Variants in CUBN observed in about 807,000 individuals in gnomAD.
The protein encoded by CUBN is 460 kDa receptor.
A neutral mutation model predicts 405.3 loss-of-function variants in CUBN; 282 were observed. That is an observed-to-expected ratio of 0.70 (90% confidence interval 0.63 to 0.77). CUBN has a LOEUF of 0.77. CUBN is among the 30% of genes least tolerant of loss of function. The pLI, the probability that CUBN is intolerant of heterozygous loss-of-function variation, is 0.00. For missense variants in CUBN, 4,514 were observed against 4,475.2 expected (o/e 1.01, Z -0.25); for synonymous variants, 1,684 against 1,617.0 (o/e 1.04, Z -0.99).
chr10:16,941,172 T>C (rs1047530041), intron 36 of CUBN, among the ~76,000 whole-genome samples: 1 of 152,124 alleles, frequency 6.6e-6, no homozygotes, highest in Non-Finnish European at 1.5e-5. Context: ...AATGGATGAA[T>C]GGAATAGGAA....
rs1564503434 is a variant in CUBN, at chr10:17,071,560, A to C, written c.2491T>G (p.Phe831Val). Residue 831 changes from phenylalanine (F) to valine (V), a missense_variant, in exon 19 of 67, where the codon TTT becomes GTT. Around this residue, in one of 5 missense-constraint regions of CUBN, gnomAD observed 1,448 missense variants for 1,388.0 expected, o/e 1.04. Transcript: ENST00000377833. ...TCTCCAGGATACACGTTAGGAAAAA[A>C]AGGCGAGCGAATGACCCCTTCTCCA... ...LTGEGVIRSP[F>V]FPNVYPGERT... 6.2e-7 allele frequency: 1 copy of C among 1,613,970 alleles called. No homozygotes were observed. Among genetic ancestry groups the C allele is most frequent in the Non-Finnish European group, 8.5e-7 (1 of 1,179,926 alleles).
chr10:17,013,793 T>C (rs372571255), intron 28 of CUBN, among the ~76,000 whole-genome samples: 2 of 152,212 alleles, frequency 1.3e-5, no homozygotes, highest in African/African-American at 4.8e-5. Flanking sequence ...AGAGGCTTAC[T>C]TCAGTATGGT....
intron 28 of CUBN, among the ~76,000 whole-genome samples, chr10:17,018,832 G>GT (rs1834417452): frequency 6.6e-6 from 1 of 152,032 alleles, no homozygotes; most frequent in African/African-American, 2.4e-5. Flanking sequence ...TGATTGGTGG[G>GT]TTTTTACAGA....
chr10:17,007,410 T>A (rs1349856247), intron 28 of CUBN, among the ~76,000 whole-genome samples: 1 of 152,054 alleles, frequency 6.6e-6, no homozygotes, highest in Admixed American at 6.5e-5. Flanking sequence ...TAAAGCCTCG[T>A]TGTAGATCCG....
At chr10:17,053,714 C>T (rs1835323341) in intron 22 of CUBN, among the ~76,000 whole-genome samples, 1 of 152,062 alleles carries the variant, frequency 6.6e-6, no homozygotes, top group African/African-American at 2.4e-5. Context: ...CAACACTCAG[C>T]CGACTTAAAG....
chr10:16,936,959 C>T (rs1032339650), intron 39 of CUBN, among the ~76,000 whole-genome samples: 15 of 152,112 alleles, frequency 9.9e-5, no homozygotes, highest in Middle Eastern at 3.2e-3. Flanking sequence ...ACAAGTGATC[C>T]GTCTACCTCT....
chr10:17,083,277 C>T (rs1383316636), intron 17 of CUBN, among the ~76,000 whole-genome samples: 7 of 151,638 alleles, frequency 4.6e-5, no homozygotes, highest in South Asian at 2.1e-4. Flanking sequence ...AGGCTGAGGC[C>T]GGAGGATCAC....
chr10:17,073,613 G>A (rs1246777542), intron 17 of CUBN, among the ~76,000 whole-genome samples: 2 of 151,994 alleles, frequency 1.3e-5, no homozygotes, highest in Admixed American at 6.6e-5. Context: ...CGCCCAGCTA[G>A]TTTTGTATTT....
chr10:17,100,150 A>G lies in CUBN; in HGVS notation c.1620T>C (p.Ser540=). 3 of 1,614,030 alleles carry G rather than the reference A, an allele frequency of 1.9e-6. No homozygotes were observed. The highest frequency in any genetic ancestry group is 2.5e-6 in the Non-Finnish European group (3 of 1,179,888). Residue 540 remains serine (S), a synonymous_variant, in exon 14 of 67, where the codon TCT becomes TCC. Coordinates refer to ENST00000377833, the MANE Select transcript of CUBN (RefSeq NM_001081.4). ...AAAATCTTCCAAGTTGAAAAGCAGA[A>G]GAGGAATCTCCATCATAAACCTGAA... is the stretch of plus-strand genomic sequence containing the variant. The part of the protein sequence containing the change: ...EFLQVYDGDS[S]SAFQLGRFCG...
intron 17 of CUBN, among the ~76,000 whole-genome samples, chr10:17,078,956 C>A (rs375359643): frequency 1.3e-5 from 2 of 152,192 alleles, no homozygotes; most frequent in African/African-American, 4.8e-5. Flanking sequence ...CATGAGCATG[C>A]AACTCCTTCA....
At chr10:16,860,997 G>A (rs913598579) in intron 59 of CUBN, among the ~76,000 whole-genome samples, 1 of 152,068 alleles carries the variant, frequency 6.6e-6, no homozygotes, top group African/African-American at 2.4e-5. Flanking sequence ...AGCCCTCCAT[G>A]CCTGGCCTTT....
intron 27 of CUBN, among the ~76,000 whole-genome samples, chr10:17,030,029 A>T (rs115943013): frequency 7.6e-4 from 116 of 152,236 alleles, no homozygotes; most frequent in African/African-American, 2.7e-3. Context: ...AGGAGCATGA[A>T]CCCTATTGTG....
At chr10:17,015,427 T>C (rs539270941) in intron 28 of CUBN, among the ~76,000 whole-genome samples, 28 of 152,284 alleles carry the variant, frequency 1.8e-4, no homozygotes, top group African/African-American at 6.7e-4. Flanking sequence ...CAAGAAGGCA[T>C]GTGAAAAGAG....
At chr10:17,015,819 C>T (rs923197678) in intron 28 of CUBN, among the ~76,000 whole-genome samples, 1 of 152,112 alleles carries the variant, frequency 6.6e-6, no homozygotes, top group African/African-American at 2.4e-5. Flanking sequence ...TTAAAGTGTC[C>T]TTGTAAACCA....
chr10:16,937,095 T>C (rs542871151), intron 39 of CUBN, among the ~76,000 whole-genome samples: 2 of 152,170 alleles, frequency 1.3e-5, no homozygotes, highest in Non-Finnish European at 2.9e-5. Context: ...GGATTAGGAA[T>C]GTAAAAAAGT....
intron 28 of CUBN, among the ~76,000 whole-genome samples, chr10:16,999,101 T>C (rs1460118281): frequency 6.6e-6 from 1 of 152,212 alleles, no homozygotes; most frequent in Non-Finnish European, 1.5e-5. Flanking sequence ...GGAAAACAGA[T>C]ACAAGAAGCT....
At chr10:16,946,441 G>C (rs1356781087) in intron 36 of CUBN, among the ~76,000 whole-genome samples, 1 of 146,116 alleles carries the variant, frequency 6.8e-6, no homozygotes, top group Non-Finnish European at 1.5e-5. Flanking sequence ...TAAGTTTAAA[G>C]TTTAAGTAAG....
At chr10:16,913,081 T>C (rs11254273) in intron 48 of CUBN, among the ~76,000 whole-genome samples, 5,777 of 152,214 alleles carry the variant, frequency 0.038, 412 homozygotes, top group East Asian at 0.22. Context: ...ATAGATGCCA[T>C]ATAGGGTGTG....
chr10:16,857,491 T>C (rs181065013), intron 59 of CUBN, among the ~76,000 whole-genome samples: 19 of 152,366 alleles, frequency 1.2e-4, no homozygotes, highest in Admixed American at 7.8e-4. Flanking sequence ...AAATGCTCTA[T>C]GCATACATCA....
Sources: gnomAD v4.1 joint callset for allele counts (sites outside exome capture counted in the v4.1 genomes callset) on GRCh38, gnomAD v4.1.1 for gene constraint, gnomAD v4.1.1 regional missense constraint, MANE v1.5 for transcripts, NCBI Gene and HGNC (gene_info 2026-07-23, HGNC 2026-07-21) for gene names.